The following F9 variants were observed in gnomAD, a reference collection of about 807,000 sequenced individuals.
F9 encodes Christmas factor.
Under a neutral mutation model 34.1 loss-of-function variants are expected in F9, and 2 were observed. That is an observed-to-expected ratio of 0.06 (90% CI 0.02 to 0.18). F9 has a LOEUF of 0.18. Ranked by LOEUF, F9 falls within the 10% of genes least tolerant of loss-of-function variation. F9 has a pLI of 1.00. For synonymous variants in F9, 137 were observed against 118.8 expected (o/e 1.15, Z -1.00); for missense variants, 216 against 345.1 (o/e 0.63, Z 2.96).
intron 6 of F9, among the ~76,000 whole-genome samples, chrX:139,552,906 T>G (rs764742023): frequency 2.7e-5 from 3 of 112,221 alleles, no homozygotes; most frequent in Non-Finnish European, 5.6e-5. Context: ...GTCCTCAGTT[T>G]TAACAGCATT....
Position 139,561,811 on chromosome X carries a change from C to T in F9, c.1126C>T (p.Leu376Phe), listed in dbSNP as rs1383972991. 1 of 1,210,263 alleles carries T rather than the reference C, an allele frequency of 8.3e-7. No individual in the cohort carries two copies. The highest frequency in any genetic ancestry group is 1.1e-6 in the Non-Finnish European group (1 of 895,342). The change falls in exon 8 of 8, where the codon CTT (leucine) becomes TTT (phenylalanine). Residue 376 changes from leucine to phenylalanine, a missense_variant. By Grantham distance (22) the Leu-to-Phe change is conservative. Around this residue, in one of 2 missense-constraint regions of F9, gnomAD observed 177 missense variants for 311.8 expected, o/e 0.57. Coordinates refer to ENST00000218099, the MANE Select transcript of F9 (RefSeq NM_000133.4). The stretch of plus-strand genomic sequence containing the variant: ...AGTTCTTCAGTACCTTAGAGTTCCA[C>T]TTGTTGACCGAGCCACATGTCTTCG... ...ALVLQYLRVPLVDRATCLRST... is the reference protein window; with the variant it reads ...ALVLQYLRVPFVDRATCLRST...
Position 139,530,818 on chromosome X carries a change from C to T in F9, c.54C>T (p.Cys18=), listed in dbSNP as rs1337284408. The change falls in exon 1 of 8, where the codon TGC becomes TGT. Residue 18 remains cysteine, a synonymous_variant. Coordinates refer to ENST00000218099, the MANE Select transcript of F9 (RefSeq NM_000133.4). Reference sequence around the variant, plus strand: ...AATCACCAGGCCTCATCACCATCTGCCTTTTAGGATATCTACTCAGTGCTG... The same window carrying T: ...AATCACCAGGCCTCATCACCATCTGTCTTTTAGGATATCTACTCAGTGCTG... ...MAESPGLITI[C]LLGYLLSAEC... is the part of the protein sequence containing the mutation. 5.0e-6 allele frequency: 6 copies of T among 1,208,394 alleles called. No individual in the cohort carries two copies. In the East Asian group the frequency reaches 1.5e-4, roughly 30 times the overall value.
intron 4 of F9, 78 bp downstream of exon 4, chrX:139,541,267 G>C (rs1927596028): frequency 1.1e-5 from 7 of 647,579 alleles, no homozygotes; most frequent in East Asian, 4.2e-5. Flanking sequence ...TGCAATATTG[G>C]TGTATCATAA....
chrX:139,556,890 A>C (rs1463174928), intron 6 of F9, among the ~76,000 whole-genome samples: 8 of 112,386 alleles, frequency 7.1e-5, no homozygotes, highest in Non-Finnish European at 1.5e-4. Context: ...GAGTGAGAGC[A>C]AACACTCTTT....
At chrX:139,537,266 A>G in intron 2 of F9, 93 bp downstream of exon 2, 11 of 1,105,262 alleles carry the variant, frequency 1.0e-5, no homozygotes, top group Non-Finnish European at 1.4e-5. Flanking sequence ...AAGCATCCAT[A>G]TATATTTATG....
intron 1 of F9, among the ~76,000 whole-genome samples, chrX:139,532,167 A>C (rs1216573549): frequency 9.0e-6 from 1 of 111,727 alleles, no homozygotes; most frequent in African/African-American, 3.3e-5. Flanking sequence ...CCTGAAGGGA[A>C]GTTAAGTATA....
At chrX:139,556,127 G>A (rs904076738) in intron 6 of F9, among the ~76,000 whole-genome samples, 1 of 110,524 alleles carries the variant, frequency 9.0e-6, no homozygotes, top group African/African-American at 3.3e-5. Flanking sequence ...TCGGTGTGTG[G>A]CGTATTTATT....
intron 6 of F9, among the ~76,000 whole-genome samples, chrX:139,553,859 AAAG>A (rs1031493741): frequency 9.3e-6 from 1 of 107,839 alleles, no homozygotes; most frequent in African/African-American, 3.4e-5. Flanking sequence ...AAAAAAAAAA[AAAG>A]GATGTCTGCT....
intron 6 of F9, among the ~76,000 whole-genome samples, chrX:139,559,038 A>T (rs1383733827): frequency 1.8e-5 from 2 of 112,089 alleles, no homozygotes; most frequent in Non-Finnish European, 3.8e-5. Flanking sequence ...ACTTTAGCTC[A>T]TGCATCTATA....
intron 4 of F9, among the ~76,000 whole-genome samples, chrX:139,543,536 TA>T (rs2073316858): frequency 9.0e-6 from 1 of 111,487 alleles, no homozygotes. Context: ...TTCTGAGGAG[TA>T]AAAAAAGGAA....
At chrX:139,558,073 C>G (rs1336044754) in intron 6 of F9, among the ~76,000 whole-genome samples, 1 of 113,008 alleles carries the variant, frequency 8.8e-6, no homozygotes, top group African/African-American at 3.2e-5. Context: ...TCATCCCTAC[C>G]TAGCTACCAT....
chrX:139,540,098 T>G (rs1277001688), intron 3 of F9, among the ~76,000 whole-genome samples: 1 of 111,353 alleles, frequency 9.0e-6, no homozygotes, highest in Admixed American at 9.6e-5. Context: ...AAGCTCCTAT[T>G]TTTTTCTTCA....
intron 1 of F9, among the ~76,000 whole-genome samples, chrX:139,536,462 T>C (rs1401701688): frequency 9.0e-6 from 1 of 110,987 alleles, no homozygotes; most frequent in Admixed American, 9.7e-5. Context: ...GCAATTCCTA[T>C]AACACTTGCC....
intron 1 of F9, among the ~76,000 whole-genome samples, chrX:139,535,335 G>A (rs1239382839): frequency 2.7e-5 from 3 of 109,535 alleles, no homozygotes; most frequent in Non-Finnish European, 5.7e-5. Context: ...CTCCAGCCTG[G>A]GCGACAGAGC....
At chrX:139,536,535 A>T (rs1927480311) in intron 1 of F9, among the ~76,000 whole-genome samples, 2 of 111,372 alleles carry the variant, frequency 1.8e-5, no homozygotes, top group Admixed American at 1.9e-4. Flanking sequence ...TTTCTTTAAC[A>T]TCTAGTGACA....
chrX:139,539,769 G>C (rs1329934550), intron 3 of F9, among the ~76,000 whole-genome samples: 1 of 112,171 alleles, frequency 8.9e-6, no homozygotes, highest in African/African-American at 3.2e-5. Flanking sequence ...GAACAAATTA[G>C]AGTATCTGTG....
In F9 at chrX:139,537,035, C is replaced by A. The variant is rs745353370; in HGVS notation, c.114C>A (p.Asn38Lys). 1.4e-5 allele frequency: 17 copies of A among 1,206,457 alleles called. No homozygotes were observed. The highest frequency in any genetic ancestry group is 1.9e-5 in the Non-Finnish European group (17 of 893,384). Residue 38 changes from asparagine (N) to lysine (K), a missense_variant, in exon 2 of 8, where the codon AAC becomes AAA. Coordinates refer to ENST00000218099, the MANE Select transcript of F9 (RefSeq NM_000133.4). ...CTVFLDHENA[N>K]KILNRPKRYN... Reference sequence around the variant, plus strand: ...TTTTTCTTGATCATGAAAACGCCAACAAAATTCTGAATCGGCCAAAGAGGT... The same window carrying A: ...TTTTTCTTGATCATGAAAACGCCAAAAAAATTCTGAATCGGCCAAAGAGGT...
In F9 at chrX:139,551,042, T is replaced by C; in HGVS notation, c.521-20T>C. ...CCAATGAGAAATATCAGGTTACTAA[T>C]TTTTCTTCTATTTTTCTAGTGCCAT... On this transcript the variant is annotated intron_variant, in intron 5 of 7. Transcript: ENST00000218099. 8.4e-7 allele frequency: 1 copy of C among 1,196,867 alleles called. No individual in the cohort carries two copies. The highest frequency in any genetic ancestry group is 1.1e-6 in the Non-Finnish European group (1 of 882,268).
chrX:139,541,439 C>G (rs1265577457), intron 4 of F9, among the ~76,000 whole-genome samples: 1 of 111,357 alleles, frequency 9.0e-6, no homozygotes, highest in Admixed American at 9.5e-5. Context: ...TTAATACAAC[C>G]GTATGTGGTT....
Sources: allele counts gnomAD v4.1 joint callset (sites outside exome capture counted in the v4.1 genomes callset), GRCh38; gene constraint gnomAD v4.1.1; regional missense constraint gnomAD v4.1.1; transcripts MANE v1.5; gene names NCBI Gene and HGNC (gene_info 2026-07-23, HGNC 2026-07-21).